The following LCN10 variants were observed in gnomAD, a reference collection of about 807,000 sequenced individuals.
LCN10 encodes the protein lipocalin 10.
In LCN10, 18 loss-of-function variants were observed where a neutral mutation model predicts 25.1. That is an observed-to-expected ratio of 0.72 (90% CI 0.50 to 1.06). LCN10 has a LOEUF of 1.06. Among genes scored for constraint, LCN10 ranks in the 50% least tolerant of loss-of-function variants. LCN10 has a pLI of 0.00. For missense variants in LCN10, 257 were observed against 258.9 expected, an observed-to-expected ratio of 0.99 and a Z score of 0.05; for synonymous variants, 130 against 116.7, an observed-to-expected ratio of 1.11 and a Z score of -0.73.
At position 136,742,925 on chromosome 9, in the gene LCN10, G is replaced by A. The variant is rs199525822; in HGVS notation, c.-22C>T. 113 of 1,609,760 alleles carry A rather than the reference G, an allele frequency of 7.0e-5. No homozygotes were observed. The East Asian group carries it at 1.3e-3, about 18-fold the overall frequency. On this transcript the variant is annotated 5_prime_UTR_variant, in exon 1 of 6. Coordinates refer to ENST00000497771, the MANE Select transcript of LCN10 (RefSeq NM_001001712.3). ...TCATCTTCACCCTCCTCCCTCAGCC[G>A]CCAAGGCCAGTGTTTAAACCTCTCT...
Position 136,740,921 on chromosome 9 carries a change from G to A in LCN10, c.390C>T (p.His130=), listed in dbSNP as rs368390536. 122 of 1,613,794 alleles carry A rather than the reference G, an allele frequency of 7.6e-5. No individual in the cohort carries two copies. Among genetic ancestry groups the A allele is most frequent in the South Asian group, 6.6e-4 (60 of 91,082 alleles). The change falls in exon 4 of 6, where the codon CAC becomes CAT. Residue 130 remains histidine (H), a synonymous_variant. Transcript: ENST00000497771. The surrounding 1 kb of genome is among the most constrained non-coding windows in gnomAD (Gnocchi z 5.3). ...QEGVKGVKAF[H]VLSTDYSYGL... ...CGTAGCTGTAGTCAGTGGACAGCAC[G>A]TGGAAGGCCTTCACCCCTTTCACTG...
At position 136,739,983 on chromosome 9, in the gene LCN10, G is replaced by GC; in HGVS notation, c.540dup (p.Leu181AlafsTer53). 17 of 1,592,568 alleles carry GC rather than the reference G, an allele frequency of 1.1e-5. No individual in the cohort carries two copies. Among genetic ancestry groups the GC allele is most frequent in the Non-Finnish European group, 1.5e-5 (17 of 1,169,430 alleles). On this transcript the variant is annotated frameshift_variant, in exon 5 of 6. Transcript: ENST00000497771. LOFTEE classifies it high-confidence loss of function. This position sits in a 1 kb window ranked among gnomAD's most constrained non-coding sequence, Gnocchi z 6.1. ...GGGAGGATGACGGCGGCCTTGGAGA[G>GC]CCCCAGAATGTCACAAGCGTCCATG...
At chr9:136,742,545 C>T in intron 1 of LCN10, 1 of 571,716 alleles carries the variant, frequency 1.7e-6, no homozygotes, top group Non-Finnish European at 3.1e-6. Flanking sequence ...TCTCTGGGCC[C>T]CTCCACCCTG....
rs527540669 is a variant in LCN10 at position 136,740,636 on chromosome 9, C to T, written c.475+200G>A. 3.5e-5 allele frequency: 20 copies of T among 566,738 alleles called. No individual in the cohort carries two copies. Among genetic ancestry groups the T allele is most frequent in the East Asian group, 1.4e-4 (5 of 35,316 alleles). The allele number at this position is 566,738 out of a possible 1,614,324, so 35.1% of individuals were successfully genotyped here. On this transcript the variant is annotated intron_variant, in intron 4 of 5. Transcript: ENST00000497771. This position sits in a 1 kb window ranked among gnomAD's most constrained non-coding sequence, Gnocchi z 5.3. Reference sequence around the variant, plus strand: ...ACCTTTCTCTGCAGCCTCTTCCTGACGTCCCCTATCCTTGCTTCAGCGACC... The same window carrying T: ...ACCTTTCTCTGCAGCCTCTTCCTGATGTCCCCTATCCTTGCTTCAGCGACC...
In LCN10 at chr9:136,740,940, T is replaced by C. The variant is rs1846918896; in HGVS notation, c.371A>G (p.Lys124Arg). 4 of 1,613,030 alleles carry C rather than the reference T, an allele frequency of 2.5e-6. No individual in the cohort carries two copies. Among genetic ancestry groups the C allele is most frequent in the African/African-American group, 1.3e-5 (1 of 74,924 alleles). Residue 124 changes from lysine to arginine, a missense_variant, in exon 4 of 6, where the codon AAA (lysine) becomes AGA (arginine). Lys to Arg is a conservative substitution (Grantham distance 26, BLOSUM62 2). Transcript: ENST00000497771. The surrounding 1 kb of genome is among the most constrained non-coding windows in gnomAD (Gnocchi z 5.3). ...AGPREGQEGV[K>R]GVKAFHVLST... ...CAGCACGTGGAAGGCCTTCACCCCT[T>C]TCACTGAAAGAGATGCCCAGAGATG...
rs1034627139 is a variant in LCN10, at chr9:136,742,873, C to T, written c.31G>A (p.Val11Met). MRQGLLVLAL[V>M]LVLVLVLAAG... is the part of the protein sequence containing the mutation. ...GCCAGCACTAGCACCAGCACCAGCACCAGCGCCAGCACCAGCAGCCCCTGC... is the reference window on the plus strand; with the variant it reads ...GCCAGCACTAGCACCAGCACCAGCATCAGCGCCAGCACCAGCAGCCCCTGC... Residue 11 changes from valine (V) to methionine (M), a missense_variant, in exon 1 of 6, where the codon GTG becomes ATG. Coordinates refer to ENST00000497771, the MANE Select transcript of LCN10 (RefSeq NM_001001712.3). The T allele has an allele frequency of 4.3e-6, 7 of 1,613,420 alleles. No homozygotes were observed. Among genetic ancestry groups the T allele is most frequent in the Admixed American group, 3.3e-5 (2 of 59,994 alleles).
chr9:136,739,603 A>G lies in LCN10; in HGVS notation c.575-50T>C, dbSNP rs1369576702. 1.3e-6 allele frequency: 2 copies of G among 1,561,128 alleles called. No individual in the cohort carries two copies. Among genetic ancestry groups the G allele is most frequent in the African/African-American group, 1.4e-5 (1 of 73,790 alleles). ...TGTGGGCTGGCTGCTTGGAGGAGAC[A>G]CATGAGCCGTGAACACGTCTCCCCC... is the stretch of plus-strand genomic sequence containing the variant. On this transcript the variant is annotated intron_variant, in intron 5 of 5. Transcript: ENST00000497771. The surrounding 1 kb of genome is among the most constrained non-coding windows in gnomAD (Gnocchi z 6.1).
chr9:136,741,833 C>T (rs1846942205), intron 2 of LCN10, 48 bp downstream of exon 2: 1 of 1,556,962 alleles, frequency 6.4e-7, no homozygotes, highest in Admixed American at 1.9e-5. Context: ...AGGCAGCTCC[C>T]TCCTCCTGGA....
At chr9:136,742,737 C>T (rs560690833) in intron 1 of LCN10, 50 bp downstream of exon 1, 5 of 1,605,014 alleles carry the variant, frequency 3.1e-6, no homozygotes, top group East Asian at 2.2e-5. Context: ...GGAGCCTGCT[C>T]CAGCTCCAGA....
Position 136,741,974 on chromosome 9 carries a change from C to T in LCN10, c.164G>A (p.Gly55Glu). The change falls in exon 2 of 6, where the codon GGA (glycine) becomes GAA (glutamate). Residue 55 changes from glycine (G) to glutamate (E), a missense_variant. By Grantham distance (98) the Gly-to-Glu change is moderately conservative (BLOSUM62 -2). Coordinates refer to ENST00000497771, the MANE Select transcript of LCN10 (RefSeq NM_001001712.3). Reference protein sequence around the residue: ...YILATATDAQGFLPARDKRKL... With the variant: ...YILATATDAQEFLPARDKRKL... ...CCTCTTGTCCCTGGCCGGCAAGAAT[C>T]CCTGGGCATCAGTGGCAGTGGCCAG... The T allele has an allele frequency of 1.9e-6, 3 of 1,612,806 alleles. No homozygotes were observed. Among genetic ancestry groups the T allele is most frequent in the Non-Finnish European group, 2.5e-6 (3 of 1,179,628 alleles).
At chr9:136,741,016 T>G in intron 3 of LCN10, 73 bp from the exon 4 acceptor site, 2 of 1,371,812 alleles carry the variant, frequency 1.5e-6, no homozygotes, top group Non-Finnish European at 2.0e-6. Context: ...CCCTGACCCC[T>G]GGTGCCCGAG....
At chr9:136,741,410 C>A in intron 2 of LCN10, 49 bp from the exon 3 acceptor site, 1 of 1,413,024 alleles carries the variant, frequency 7.1e-7, no homozygotes, top group Non-Finnish European at 9.8e-7. Context: ...ACCCCTCCTC[C>A]CGCCTGCCAG....
intron 1 of LCN10, chr9:136,742,355 G>A (rs1048710505): frequency 1.7e-5 from 7 of 409,186 alleles, no homozygotes; most frequent in Non-Finnish European, 2.7e-5. Flanking sequence ...CCTTCCTGCC[G>A]GCCCCCGGCC....
In LCN10 at chr9:136,741,047, G is replaced by T. The variant is rs781770794; in HGVS notation, c.368-104C>A. ...CCGAGGCCTCAGAGCCCCCACCCAGGTGCAGGTGTCCAGAGGGACTGAGTG... is the reference window on the plus strand; with the variant it reads ...CCGAGGCCTCAGAGCCCCCACCCAGTTGCAGGTGTCCAGAGGGACTGAGTG... On this transcript the variant is annotated intron_variant, in intron 3 of 5. Transcript: ENST00000497771. 3.6e-6 allele frequency: 4 copies of T among 1,118,696 alleles called. No homozygotes were observed. The South Asian group carries it at 5.3e-5, about 15-fold the overall frequency. The allele number at this position is 1,118,696 out of a possible 1,614,324, so 69.3% of individuals were successfully genotyped here. A position where few individuals can be genotyped will look rare whatever the true frequency, so the allele number is the denominator to read the frequency against.
chr9:136,742,686 C>T, intron 1 of LCN10, 101 bp downstream of exon 1: 1 of 1,422,898 alleles, frequency 7.0e-7, no homozygotes, highest in East Asian at 2.5e-5. Context: ...CCTGGAACTG[C>T]TGGTAGCCCT....
In LCN10 at chr9:136,740,736, G is replaced by C; in HGVS notation, c.475+100C>G. On this transcript the variant is annotated intron_variant, in intron 4 of 5. Transcript: ENST00000497771. This position sits in a 1 kb window ranked among gnomAD's most constrained non-coding sequence, Gnocchi z 5.3. ...CACCGCCCCAACCCCCACTCTCCCT[G>C]CCCGCCTCACCTCCTGCCCGGCCCC... The C allele has an allele frequency of 1.3e-6, 1 of 783,216 alleles. No individual in the cohort carries two copies. The highest frequency in any genetic ancestry group is 1.9e-6 in the Non-Finnish European group (1 of 513,022). The allele number at this position is 783,216 out of a possible 1,614,324, so 48.5% of individuals were successfully genotyped here.
intron 3 of LCN10, 81 bp from the exon 4 acceptor site, chr9:136,741,024 G>A (rs758682671): frequency 1.1e-5 from 14 of 1,259,772 alleles, no homozygotes; most frequent in African/African-American, 3.0e-5. Flanking sequence ...CCTGGTGCCC[G>A]AGGCCTCAGA....
intron 1 of LCN10, chr9:136,742,357 C>A (rs1410609619): frequency 1.0e-5 from 4 of 397,566 alleles, no homozygotes; most frequent in African/African-American, 2.1e-5. Flanking sequence ...TTCCTGCCGG[C>A]CCCCGGCCCC....
At chr9:136,742,619 T>G in intron 1 of LCN10, 168 bp downstream of exon 1, 1 of 828,094 alleles carries the variant, frequency 1.2e-6, no homozygotes, top group South Asian at 2.0e-5. Flanking sequence ...CCCTGCAACT[T>G]GCGGGGCCCC....
Sources: allele counts gnomAD v4.1 joint callset, GRCh38; gene constraint gnomAD v4.1.1; non-coding constraint Gnocchi (gnomAD v3.1); transcripts MANE v1.5; gene names NCBI Gene and HGNC (gene_info 2026-07-23, HGNC 2026-07-21).